The following CTNNA3 variants were observed in gnomAD, a reference collection of about 807,000 sequenced individuals.
CTNNA3 encodes catenin alpha-3.
A neutral mutation model predicts 95.7 loss-of-function variants in CTNNA3; 76 were observed. The ratio of observed to expected loss-of-function variants is 0.79; its 90% CI spans 0.66 to 0.96. The LOEUF is 0.96. CTNNA3 is among the 40% of genes least tolerant of loss of function. The pLI is 0.00. For missense variants in CTNNA3, 1,191 were observed against 1,089.8 expected (o/e 1.09, Z -1.31); for synonymous variants, 431 against 374.4 (o/e 1.15, Z -1.74).
intron 5 of CTNNA3, among the ~76,000 whole-genome samples, chr10:67,244,467 G>A (rs560717074): frequency 6.6e-6 from 1 of 152,272 alleles, no homozygotes; most frequent in African/African-American, 2.4e-5. Flanking sequence ...GGTAACTTAG[G>A]TTGATAATCT....
intron 13 of CTNNA3, among the ~76,000 whole-genome samples, chr10:66,257,121 T>C (rs756078353): frequency 5.3e-5 from 8 of 152,232 alleles, no homozygotes; most frequent in Non-Finnish European, 1.2e-4. Flanking sequence ...TCCTGGATTA[T>C]AATCAAGCCT....
chr10:66,742,269 T>C (rs1014314554), intron 9 of CTNNA3, among the ~76,000 whole-genome samples: 4 of 152,212 alleles, frequency 2.6e-5, no homozygotes, highest in East Asian at 3.9e-4. Flanking sequence ...TGGTCTCCCA[T>C]AGCGCTCCCA....
intron 3 of CTNNA3, among the ~76,000 whole-genome samples, chr10:67,580,695 G>A (rs111424328): frequency 0.47 from 68,114 of 145,816 alleles, 17,915 homozygotes; most frequent in East Asian, 0.8. Context: ...CATGAGCATG[G>A]AATGTTCTTC....
intron 11 of CTNNA3, among the ~76,000 whole-genome samples, chr10:66,441,821 A>T (rs760767839): frequency 2.0e-5 from 3 of 152,214 alleles, no homozygotes; most frequent in Non-Finnish European, 2.9e-5. Context: ...ACAGCTGTGT[A>T]TTTGCCAGAT....
At chr10:66,100,477 C>T (rs763844161) in intron 14 of CTNNA3, among the ~76,000 whole-genome samples, 1 of 152,146 alleles carries the variant, frequency 6.6e-6, no homozygotes, top group Non-Finnish European at 1.5e-5. Flanking sequence ...AATGTTGCCA[C>T]CAGTAGATTT....
intron 17 of CTNNA3, among the ~76,000 whole-genome samples, chr10:65,926,335 T>C (rs982238254): frequency 6.6e-6 from 1 of 152,010 alleles, no homozygotes; most frequent in Non-Finnish European, 1.5e-5. Context: ...AACAAATGTA[T>C]ACAATTTTAT....
At chr10:67,539,434 C>A in intron 4 of CTNNA3, 69 bp downstream of exon 4, 1 of 1,547,948 alleles carries the variant, frequency 6.5e-7, no homozygotes, top group South Asian at 1.1e-5. Flanking sequence ...CTAGGATCGA[C>A]GCCAGGTTCA....
At chr10:67,440,394 C>G (rs1050124950) in intron 5 of CTNNA3, among the ~76,000 whole-genome samples, 1 of 152,100 alleles carries the variant, frequency 6.6e-6, no homozygotes, top group African/African-American at 2.4e-5. Flanking sequence ...ATCTCTGAAC[C>G]TACTCAAGAC....
rs191764156 is a variant in CTNNA3 at position 67,499,010 on chromosome 10, G to A, written c.579+22832C>T. Among the ~76,000 whole-genome samples, 117 of 152,304 alleles carry A rather than the reference G, an allele frequency of 7.7e-4. 1 individual carries two copies. The highest frequency in any genetic ancestry group is 2.7e-3 in the African/African-American group (112 of 41,558). On this transcript the variant is annotated intron_variant, in intron 5 of 17. Coordinates refer to ENST00000433211, the MANE Select transcript of CTNNA3 (RefSeq NM_013266.4). Reference sequence around the variant, plus strand: ...GTGAGAGAGGGCATCCTTGTCTTGTGCCAGTTTTCAAAGGGAATGCTTCCG... The same window carrying A: ...GTGAGAGAGGGCATCCTTGTCTTGTACCAGTTTTCAAAGGGAATGCTTCCG...
In CTNNA3 at chr10:66,939,464, T is replaced by A. The variant is rs1847885852; in HGVS notation, c.1048-163940A>T. Among the ~76,000 whole-genome samples the A allele has an allele frequency of 2.0e-5, 3 of 152,206 alleles. No individual in the cohort carries two copies. In the South Asian group the frequency reaches 6.2e-4, roughly 31 times the overall value. On this transcript the variant is annotated intron_variant, in intron 7 of 17. Transcript: ENST00000433211. Reference sequence around the variant, plus strand: ...AAGCAATAATTAAAATGACACCATCTAATAATTTAATGTAAAAGGAGGGAA... The same window carrying A: ...AAGCAATAATTAAAATGACACCATCAAATAATTTAATGTAAAAGGAGGGAA...
At chr10:66,554,518 T>C (rs1479379847) in intron 10 of CTNNA3, among the ~76,000 whole-genome samples, 1 of 152,188 alleles carries the variant, frequency 6.6e-6, no homozygotes, top group African/African-American at 2.4e-5. Flanking sequence ...TTAATAGCTG[T>C]TACTCTTTCT....
intron 7 of CTNNA3, among the ~76,000 whole-genome samples, chr10:67,056,117 A>G (rs1334054062): frequency 6.6e-6 from 1 of 152,154 alleles, no homozygotes; most frequent in African/African-American, 2.4e-5. Context: ...AGAAAATAAA[A>G]GGGTAGTCTA....
intron 13 of CTNNA3, among the ~76,000 whole-genome samples, chr10:66,147,325 G>T (rs941672050): frequency 3.9e-5 from 6 of 152,022 alleles, no homozygotes; most frequent in Admixed American, 2.0e-4. Context: ...TTAAAGTACA[G>T]CTATAATTCA....
chr10:66,974,536 T>C (rs572638539), intron 7 of CTNNA3, among the ~76,000 whole-genome samples: 1 of 152,344 alleles, frequency 6.6e-6, no homozygotes, highest in East Asian at 1.9e-4. Flanking sequence ...TTGTAATTAC[T>C]GGTTCGTAGT....
At chr10:67,430,868 G>A (rs921638914) in intron 5 of CTNNA3, among the ~76,000 whole-genome samples, 10 of 79,510 alleles carry the variant, frequency 1.3e-4, no homozygotes, top group South Asian at 8.9e-4. Flanking sequence ...CACACATTTC[G>A]CCTAAAAAGA....
intron 5 of CTNNA3, among the ~76,000 whole-genome samples, chr10:67,490,822 A>G (rs1227780836): frequency 6.6e-6 from 1 of 152,134 alleles, no homozygotes; most frequent in Non-Finnish European, 1.5e-5. Context: ...AGGAATGGAG[A>G]AGCACTCTGG....
chr10:67,741,470 A>G (rs984254258), intron 1 of CTNNA3, among the ~76,000 whole-genome samples: 3 of 150,908 alleles, frequency 2.0e-5, no homozygotes, highest in Non-Finnish European at 4.4e-5. Flanking sequence ...AGATTTTGTC[A>G]CCAACAGGCC....
At chr10:66,662,327 A>G (rs1846291744) in intron 9 of CTNNA3, among the ~76,000 whole-genome samples, 1 of 152,172 alleles carries the variant, frequency 6.6e-6, no homozygotes, top group African/African-American at 2.4e-5. Flanking sequence ...GGTCTCTCTG[A>G]ATTCATAATC....
In CTNNA3 at chr10:67,717,538, C is replaced by G. The variant is rs143083745; in HGVS notation, c.-2+45896G>C. 5.8e-4 allele frequency among the ~76,000 whole-genome samples: 89 copies of G among 152,284 alleles called. 2 individuals are homozygous for G. Among genetic ancestry groups the G allele is most frequent in the African/African-American group, 2.0e-3 (85 of 41,546 alleles). ...TCCAGTTTCAGTTTTCTGCATATAG[C>G]TAGCCAGTTTTCCCAACACCATTTA... is the stretch of plus-strand genomic sequence containing the variant. On this transcript the variant is annotated intron_variant, in intron 1 of 17. Coordinates refer to the CTNNA3 transcript ENST00000684154.
Sources: gnomAD v4.1 joint callset for allele counts (sites outside exome capture counted in the v4.1 genomes callset) on GRCh38, gnomAD v4.1.1 for gene constraint, MANE v1.5 for transcripts, NCBI Gene and HGNC (gene_info 2026-07-23, HGNC 2026-07-21) for gene names.